The following CHD5 variants were observed in gnomAD, a reference collection of about 807,000 sequenced individuals.
CHD5 encodes the protein ATP-dependent chromatin remodeler CHD5.
CHD5 carries 69 observed loss-of-function variants against 230.3 expected under a neutral mutation model. The ratio of observed to expected loss-of-function variants is 0.30; its 90% confidence interval spans 0.25 to 0.37. The LOEUF is 0.37. Among genes scored for constraint, CHD5 ranks in the 10% least tolerant of loss-of-function variants. CHD5 has a pLI of 1.00. For missense variants in CHD5, 1,827 were observed against 2,622.8 expected (o/e 0.70, Z 6.63); for synonymous variants, 1,064 against 1,065.9 (o/e 1.00, Z 0.03).
intron 31 of CHD5, among the ~76,000 whole-genome samples, 175 bp downstream of exon 31, chr1:6,123,773 T>G (rs1479968566): frequency 6.6e-6 from 1 of 152,102 alleles, no homozygotes; most frequent in Non-Finnish European, 1.5e-5. Flanking sequence ...ATAAATTATA[T>G]CTCGTAACTG....
At chr1:6,170,792 G>A (rs80166192) in intron 1 of CHD5, among the ~76,000 whole-genome samples, 8,289 of 152,278 alleles carry the variant, frequency 0.054, 801 homozygotes, top group East Asian at 0.46. Context: ...AGCTGAAAAC[G>A]TGCACGGGGA....
chr1:6,133,792 C>T (rs926058090), intron 20 of CHD5, among the ~76,000 whole-genome samples: 2 of 152,232 alleles, frequency 1.3e-5, no homozygotes, highest in Non-Finnish European at 2.9e-5. Context: ...AGAGGGGCTC[C>T]TCCCAACCAC....
At chr1:6,113,278 G>C in intron 33 of CHD5, 1 of 422,774 alleles carries the variant, frequency 2.4e-6, no homozygotes, top group Non-Finnish European at 4.5e-6. Context: ...CAACAACTTA[G>C]CTGGGCTTGG....
rs1666560492 is a variant in CHD5 at position 6,126,479 on chromosome 1, C to T, written c.4078+93G>A. 6 of 755,110 alleles carry T rather than the reference C, an allele frequency of 7.9e-6. No homozygotes were observed. The highest frequency in any genetic ancestry group is 1.4e-5 in the Non-Finnish European group (6 of 429,556). The allele number at this position is 755,110 out of a possible 1,614,324, so 46.8% of individuals were successfully genotyped here. On this transcript the variant is annotated intron_variant, in intron 26 of 41. Transcript: ENST00000262450. The surrounding 1 kb of genome is among the most constrained non-coding windows in gnomAD (Gnocchi z 5.7). ...CGCCCAGCTCTCCCGGCCCGCACCT[C>T]CCGGGGGTTCTGCACAGGGATGCCC...
Position 6,142,515 on chromosome 1 carries a change from G to A in CHD5, c.2134C>T (p.Arg712Cys), listed in dbSNP as rs556178109. Reference protein sequence around the residue: ...PYQLEGLNWLRFSWAQGTDTI... With the variant: ...PYQLEGLNWLCFSWAQGTDTI... ...TCAGTGCCCTGGGCCCAAGAGAAGC[G>A]CAGCCAGTTGAGGCCCTCCAGCTGG... is the stretch of plus-strand genomic sequence containing the variant. Residue 712 changes from arginine to cysteine, a missense_variant, in exon 14 of 42, where the codon CGC becomes TGC. By Grantham distance (180) the Arg-to-Cys change is radical. Coordinates refer to ENST00000262450, the MANE Select transcript of CHD5 (RefSeq NM_015557.3). The surrounding 1 kb of genome is among the most constrained non-coding windows in gnomAD (Gnocchi z 5.2). 1.2e-5 allele frequency: 20 copies of A among 1,614,064 alleles called. No individual in the cohort carries two copies. The highest frequency in any genetic ancestry group is 6.7e-5 in the Admixed American group (4 of 60,026).
At position 6,142,102 on chromosome 1, in the gene CHD5, T is replaced by C. The variant is rs1557550425; in HGVS notation, c.2436+26A>G. 6.3e-7 allele frequency: 1 copy of C among 1,599,868 alleles called. No homozygotes were observed. The highest frequency in any genetic ancestry group is 1.3e-5 in the African/African-American group (1 of 74,754). ...AACTAGACCGGGGGCCTTCCTACCGTCCTTCCAAGGATAGCGAGCCCTCAC... is the reference window on the plus strand; with the variant it reads ...AACTAGACCGGGGGCCTTCCTACCGCCCTTCCAAGGATAGCGAGCCCTCAC... On this transcript the variant is annotated intron_variant, in intron 15 of 41. Coordinates refer to ENST00000262450, the MANE Select transcript of CHD5 (RefSeq NM_015557.3). This position sits in a 1 kb window ranked among gnomAD's most constrained non-coding sequence, Gnocchi z 5.2.
chr1:6,126,151 C>A lies in CHD5; in HGVS notation c.4079-293G>T, dbSNP rs781209836. On this transcript the variant is annotated intron_variant, in intron 26 of 41. Transcript: ENST00000262450. This position sits in a 1 kb window ranked among gnomAD's most constrained non-coding sequence, Gnocchi z 5.7. Reference sequence around the variant, plus strand: ...TGAACTGAGCCACACCTTGTTCCCCCAAACACCCAGCACCTCTGCACCTGC... The same window carrying A: ...TGAACTGAGCCACACCTTGTTCCCCAAAACACCCAGCACCTCTGCACCTGC... 6.6e-6 allele frequency among the ~76,000 whole-genome samples: 1 copy of A among 152,156 alleles called. No homozygotes were observed. The highest frequency in any genetic ancestry group is 6.5e-5 in the Admixed American group (1 of 15,282).
chr1:6,107,939 G>A (rs1416107093), intron 38 of CHD5, among the ~76,000 whole-genome samples: 1 of 139,808 alleles, frequency 7.2e-6, no homozygotes, highest in African/African-American at 2.7e-5. Flanking sequence ...TGGAAGGAAG[G>A]TGGAGGGACG....
Position 6,109,883 on chromosome 1 carries a change from A to G in CHD5, c.5490T>C (p.Ala1830=). 1 of 1,612,622 alleles carries G rather than the reference A, an allele frequency of 6.2e-7. No individual in the cohort carries two copies. The highest frequency in any genetic ancestry group is 8.5e-7 in the Non-Finnish European group (1 of 1,179,560). Residue 1830 remains alanine, a synonymous_variant, in exon 38 of 42, where the codon GCT becomes GCC. Coordinates refer to ENST00000262450, the MANE Select transcript of CHD5 (RefSeq NM_015557.3). ...GGCTCTCGGCGAGGCACTCCACTTC[A>G]GCCAGGCGGGCGTTGAGGGCCATGG... ...HPAMALNARL[A]EVECLAESHQ...
intron 31 of CHD5, among the ~76,000 whole-genome samples, chr1:6,123,499 T>A (rs1666504080): frequency 6.6e-6 from 1 of 152,026 alleles, no homozygotes; most frequent in South Asian, 2.1e-4. Context: ...TGATCTTGGC[T>A]CACTGCAACC....
chr1:6,112,274 T>G lies in CHD5; in HGVS notation c.5006A>C (p.Asp1669Ala), dbSNP rs753900117. The part of the protein sequence containing the change: ...RGDSSELRPD[D>A]TKAEEKEPIE... ...GGGCTCCTTCTCCTCAGCCTTGGTG[T>G]CATCTGCCGGGGACAGATCACATTC... Residue 1669 changes from aspartate (D) to alanine (A), a missense_variant, in exon 35 of 42, where the codon GAC becomes GCC. Transcript: ENST00000262450. The G allele has an allele frequency of 6.2e-6, 10 of 1,613,870 alleles. No individual in the cohort carries two copies. Among genetic ancestry groups the G allele is most frequent in the Non-Finnish European group, 8.5e-6 (10 of 1,179,926 alleles).
intron 1 of CHD5, among the ~76,000 whole-genome samples, chr1:6,170,159 G>A (rs926097133): frequency 6.6e-6 from 1 of 152,046 alleles, no homozygotes; most frequent in Non-Finnish European, 1.5e-5. Context: ...GGTGACCCTG[G>A]TGACCCCTGG....
intron 1 of CHD5, among the ~76,000 whole-genome samples, chr1:6,172,116 G>C (rs1667347304): frequency 6.6e-6 from 1 of 152,240 alleles, no homozygotes; most frequent in Non-Finnish European, 1.5e-5. Context: ...AGCCCTGTGG[G>C]ACCCCCAGGC....
chr1:6,169,242 C>G (rs927827455), intron 1 of CHD5, among the ~76,000 whole-genome samples: 4 of 152,210 alleles, frequency 2.6e-5, no homozygotes, highest in Non-Finnish European at 5.9e-5. Flanking sequence ...CGCACTCCCC[C>G]ACCTCCAACA....
In CHD5 at chr1:6,144,130, A is replaced by G. The variant is rs1268299403; in HGVS notation, c.1828T>C (p.Tyr610His). 2 of 1,614,074 alleles carry G rather than the reference A, an allele frequency of 1.2e-6. No individual in the cohort carries two copies. The highest frequency in any genetic ancestry group is 1.7e-6 in the Non-Finnish European group (2 of 1,180,026). The change falls in exon 12 of 42, where the codon TAC becomes CAC. Residue 610 changes from tyrosine (Y) to histidine (H), a missense_variant. By Grantham distance (83) the Tyr-to-His change is moderately conservative. Coordinates refer to ENST00000262450, the MANE Select transcript of CHD5 (RefSeq NM_015557.3). ...HSFDKKGDVH[Y>H]LIKWKDLPYD... The stretch of plus-strand genomic sequence containing the variant: ...GGCAGGTCTTTCCACTTGATCAGGT[A>G]GTGCACATCCCCCTTCTTGTCAAAG...
chr1:6,125,503 G>C lies in CHD5; in HGVS notation c.4260+21C>G. ...GCAGGAAGCAGGGGCAGAAAGAGAT[G>C]CGGGAACAGACAGGCCCCACCTCGA... On this transcript the variant is annotated intron_variant, in intron 28 of 41. Coordinates refer to ENST00000262450, the MANE Select transcript of CHD5 (RefSeq NM_015557.3). This position sits in a 1 kb window ranked among gnomAD's most constrained non-coding sequence, Gnocchi z 6.7. 1 of 1,559,866 alleles carries C rather than the reference G, an allele frequency of 6.4e-7. No individual in the cohort carries two copies. The highest frequency in any genetic ancestry group is 1.2e-5 in the South Asian group (1 of 85,150).
At chr1:6,150,183 T>C (rs1027897574) in intron 7 of CHD5, among the ~76,000 whole-genome samples, 2 of 137,816 alleles carry the variant, frequency 1.5e-5, no homozygotes, top group Non-Finnish European at 3.0e-5. Flanking sequence ...GGATGATGGA[T>C]GGACAGAGTG....
chr1:6,125,437 C>G lies in CHD5; in HGVS notation c.4260+87G>C. On this transcript the variant is annotated intron_variant, in intron 28 of 41. Coordinates refer to ENST00000262450, the MANE Select transcript of CHD5 (RefSeq NM_015557.3). This position sits in a 1 kb window ranked among gnomAD's most constrained non-coding sequence, Gnocchi z 6.7. The stretch of plus-strand genomic sequence containing the variant: ...AGCTCCGCCTCTACCTGGCATGAGA[C>G]CCGGGGCAGTCCCCCAGCCCTCCTC... 1 of 1,415,596 alleles carries G rather than the reference C, an allele frequency of 7.1e-7. No homozygotes were observed. Among genetic ancestry groups the G allele is most frequent in the Non-Finnish European group, 9.7e-7 (1 of 1,030,484 alleles). 87.7% of individuals were successfully genotyped at this position (1,415,596 alleles called of 1,614,324 possible).
At chr1:6,153,067 A>G (rs1333996052) in intron 5 of CHD5, among the ~76,000 whole-genome samples, 1 of 152,230 alleles carries the variant, frequency 6.6e-6, no homozygotes, top group Non-Finnish European at 1.5e-5. Context: ...CCACAGGGCA[A>G]TTAGCTACCT....
Sources: allele counts gnomAD v4.1 joint callset (sites outside exome capture counted in the v4.1 genomes callset), GRCh38; gene constraint gnomAD v4.1.1; non-coding constraint Gnocchi (gnomAD v3.1); transcripts MANE v1.5; gene names NCBI Gene and HGNC (gene_info 2026-07-23, HGNC 2026-07-21).